RBMS2: variants seen among roughly 807,000 people sequenced by gnomAD.
The protein encoded by RBMS2 is RNA binding motif single stranded interacting protein 2.
A neutral mutation model predicts 58.4 loss-of-function variants in RBMS2; 38 were observed. That is an observed-to-expected ratio of 0.65 (90% CI 0.50 to 0.85). The LOEUF (loss-of-function observed/expected upper bound fraction) is 0.85, where lower values mean the gene tolerates loss of function less well. Ranked by LOEUF, RBMS2 falls within the 40% of genes least tolerant of loss-of-function variation. The pLI, the probability that RBMS2 is intolerant of heterozygous loss-of-function variation, is 0.00. For missense variants in RBMS2, 367 were observed against 503.7 expected (o/e 0.73, Z 2.60); for synonymous variants, 151 against 180.7 (o/e 0.84, Z 1.32).
chr12:56,553,437 TC>T (rs755002469), intron 1 of RBMS2, among the ~76,000 whole-genome samples: 5 of 152,082 alleles, frequency 3.3e-5, no homozygotes, highest in Non-Finnish European at 7.4e-5. Flanking sequence ...TAAGCAATTC[TC>T]CTGCCTTAGC....
At chr12:56,521,510 T>C (rs967121606), upstream of RBMS2, among the ~76,000 whole-genome samples, 1 of 146,320 alleles carries the variant, frequency 6.8e-6, no homozygotes, top group Non-Finnish European at 1.5e-5. Flanking sequence ...CTGTTTTTTT[T>C]TTTTTTTTTT....
intron 7 of RBMS2, 68 bp downstream of exon 7, chr12:56,581,576 G>C: frequency 6.8e-7 from 1 of 1,476,332 alleles, no homozygotes; most frequent in Non-Finnish European, 9.4e-7. Context: ...ATCATGGCAT[G>C]ATTTCTGTGA....
At chr12:56,553,098 G>C (rs1878575393) in intron 1 of RBMS2, among the ~76,000 whole-genome samples, 1 of 151,244 alleles carries the variant, frequency 6.6e-6, no homozygotes, top group Non-Finnish European at 1.5e-5. Context: ...TGTATTTTTA[G>C]CAGAGACGGG....
At chr12:56,526,963 C>G (rs1409616697) in intron 1 of RBMS2, among the ~76,000 whole-genome samples, 3 of 152,104 alleles carry the variant, frequency 2.0e-5, no homozygotes, top group Admixed American at 2.0e-4. Context: ...CTCCAACGTA[C>G]TTTTCATACA....
chr12:56,529,267 A>C (rs917229405), intron 1 of RBMS2, among the ~76,000 whole-genome samples: 2 of 152,174 alleles, frequency 1.3e-5, no homozygotes, highest in African/African-American at 4.8e-5. Flanking sequence ...GGAATGGGGT[A>C]CTAGGCTGAG....
chr12:56,578,486 A>G (rs1008548052), intron 5 of RBMS2, among the ~76,000 whole-genome samples: 5 of 152,204 alleles, frequency 3.3e-5, no homozygotes, highest in Non-Finnish European at 7.3e-5. Flanking sequence ...TGACATGGAT[A>G]GGTTTTGTTT....
intron 9 of RBMS2, among the ~76,000 whole-genome samples, chr12:56,585,181 C>CT (rs144107049): frequency 0.065 from 9,960 of 152,248 alleles, 577 homozygotes; most frequent in African/African-American, 0.15. Flanking sequence ...TATCTGGTCT[C>CT]TAAGATTTTA....
At chr12:56,563,698 G>C (rs1391894457) in intron 2 of RBMS2, among the ~76,000 whole-genome samples, 6 of 152,158 alleles carry the variant, frequency 3.9e-5, no homozygotes, top group Non-Finnish European at 7.3e-5. Context: ...AGCACCTTGG[G>C]AGACCAAGGC....
Position 56,588,995 on chromosome 12 carries a change from T to C in RBMS2, c.1207T>C (p.Phe403Leu), listed in dbSNP as rs939894250. 34 of 1,614,040 alleles carry C rather than the reference T, an allele frequency of 2.1e-5. No homozygotes were observed. Among genetic ancestry groups the C allele is most frequent in the African/African-American group, 2.7e-5 (2 of 74,922 alleles). The change falls in exon 13 of 14, where the codon TTC (phenylalanine) becomes CTC (leucine). Residue 403 changes from phenylalanine to leucine, a missense_variant. Around this residue, in one of 3 missense-constraint regions of RBMS2, gnomAD observed 220 missense variants for 261.1 expected, o/e 0.84. Transcript: ENST00000262031. Reference protein sequence around the residue: ...DAPSEHGVYSFQFNK With the variant: ...DAPSEHGVYSLQFNK ...ACCCTCAGAGCATGGGGTCTATTCT[T>C]TCCAGTTCAACAAGTAACAGTGGGT...
At chr12:56,578,476 T>C (rs1403138879) in intron 5 of RBMS2, among the ~76,000 whole-genome samples, 1 of 152,212 alleles carries the variant, frequency 6.6e-6, no homozygotes, top group Non-Finnish European at 1.5e-5. Context: ...GAAGCATCTA[T>C]GACATGGATA....
At position 56,581,244 on chromosome 12, in the gene RBMS2, G is replaced by A; in HGVS notation, c.603G>A (p.Lys201=). ...IITHFNGKYI[K]TPPGVPAPSD... Reference sequence around the variant, plus strand: ...CCCACTTTAATGGAAAATATATTAAGACACCCCCTGGAGTACCAGGTGAGG... The same window carrying A: ...CCCACTTTAATGGAAAATATATTAAAACACCCCCTGGAGTACCAGGTGAGG... The change falls in exon 6 of 14, where the codon AAG becomes AAA. Residue 201 remains lysine, a synonymous_variant. Coordinates refer to ENST00000262031, the MANE Select transcript of RBMS2 (RefSeq NM_002898.4). 1 of 1,606,244 alleles carries A rather than the reference G, an allele frequency of 6.2e-7. No homozygotes were observed. Among genetic ancestry groups the A allele is most frequent in the South Asian group, 1.1e-5 (1 of 90,924 alleles).
chr12:56,595,144 A>G lies in RBMS2; in HGVS notation c.*6011A>G, dbSNP rs1305162908. 1 of 152,216 alleles carries G rather than the reference A, an allele frequency of 6.6e-6. No individual in the cohort carries two copies. Among genetic ancestry groups the G allele is most frequent in the East Asian group, 1.9e-4 (1 of 5,196 alleles). The allele number at this position is 152,216 out of a possible 1,614,324, so 9.4% of individuals were successfully genotyped here. ...GGAGCAGAGTTTAGAACTTAAGAGG[A>G]CAAGAAAGCTGCTCAGTGGCTGGCG... On this transcript the variant is annotated 3_prime_UTR_variant, in exon 14 of 14. Transcript: ENST00000262031.
chr12:56,538,444 T>C (rs976640437), intron 1 of RBMS2, among the ~76,000 whole-genome samples: 4 of 150,686 alleles, frequency 2.7e-5, no homozygotes, highest in African/African-American at 9.7e-5. Flanking sequence ...AATCTGCAGA[T>C]TGCTTTGAGT....
intron 1 of RBMS2, among the ~76,000 whole-genome samples, chr12:56,549,259 C>T (rs762017119): frequency 6.6e-6 from 1 of 152,030 alleles, no homozygotes; most frequent in South Asian, 2.1e-4. Context: ...CCTCCCAAAG[C>T]GCTCAGATTA....
chr12:56,592,619 T>TC lies in RBMS2; in HGVS notation c.*3488dup, dbSNP rs1374392688. 11 of 152,280 alleles carry TC rather than the reference T, an allele frequency of 7.2e-5. No individual in the cohort carries two copies. Among genetic ancestry groups the TC allele is most frequent in the African/African-American group, 2.4e-4 (10 of 41,390 alleles). The allele number at this position is 152,280 out of a possible 1,614,324, so 9.4% of individuals were successfully genotyped here. Reference sequence around the variant, plus strand: ...TCCGCCTCCCAGGTTCAAGCAATTCTCCTGCCTCAGCCTCCCATGTAGCTG... The same window carrying TC: ...TCCGCCTCCCAGGTTCAAGCAATTCTCCCTGCCTCAGCCTCCCATGTAGCTG... On this transcript the variant is annotated 3_prime_UTR_variant, in exon 14 of 14. Coordinates refer to ENST00000262031, the MANE Select transcript of RBMS2 (RefSeq NM_002898.4).
In RBMS2 at chr12:56,574,886, C is replaced by T. The variant is rs910885869; in HGVS notation, c.542+3031C>T. 2.6e-5 allele frequency among the ~76,000 whole-genome samples: 4 copies of T among 152,300 alleles called. No individual in the cohort carries two copies. In the East Asian group the frequency reaches 7.7e-4, roughly 29 times the overall value. ...GACTTTGGCCGGACTCCGTGACTCA[C>T]GCCTATAATCCTAGCACTTTGGGAG... On this transcript the variant is annotated intron_variant, in intron 5 of 13. Coordinates refer to ENST00000262031, the MANE Select transcript of RBMS2 (RefSeq NM_002898.4).
intron 1 of RBMS2, among the ~76,000 whole-genome samples, chr12:56,527,581 C>T (rs1872881791): frequency 6.6e-6 from 1 of 152,060 alleles, no homozygotes; most frequent in South Asian, 2.1e-4. Context: ...CATTGCACTT[C>T]AGCCCGGGGC....
intron 1 of RBMS2, among the ~76,000 whole-genome samples, chr12:56,543,700 C>A (rs1327165385): frequency 6.6e-6 from 1 of 150,910 alleles, no homozygotes; most frequent in African/African-American, 2.4e-5. Flanking sequence ...CTTGCCCTGT[C>A]CCCCAGGCTG....
Position 56,581,835 on chromosome 12 carries a change from CG to C in RBMS2, c.736del (p.Val246SerfsTer4). The C allele has an allele frequency of 6.2e-7, 1 of 1,614,056 alleles. No homozygotes were observed. The highest frequency in any genetic ancestry group is 8.5e-7 in the Non-Finnish European group (1 of 1,179,956). On this transcript the variant is annotated frameshift_variant, in exon 8 of 14. Transcript: ENST00000262031. LOFTEE classifies it high-confidence loss of function. ...RAWPRNADMG[V>X]MALTYDPTTA... The stretch of plus-strand genomic sequence containing the variant: ...AACACTGTGTTCTTTCTTTATAGGG[CG>C]TCATGGCCTTGACCTATGACCCCAC...
Sources: allele counts gnomAD v4.1 joint callset (sites outside exome capture counted in the v4.1 genomes callset), GRCh38; gene constraint gnomAD v4.1.1; regional missense constraint gnomAD v4.1.1; transcripts MANE v1.5; gene names NCBI Gene and HGNC (gene_info 2026-07-23, HGNC 2026-07-21).